The following EML5 variants were observed in gnomAD, a reference collection of about 807,000 sequenced individuals.
The protein encoded by EML5 is echinoderm microtubule-associated protein-like 5.
A neutral mutation model predicts 250.0 loss-of-function variants in EML5; 120 were observed. The observed-to-expected ratio is 0.48, with a 90% confidence interval of 0.41 to 0.56. EML5 has a LOEUF of 0.56. Ranked by LOEUF, EML5 falls within the 20% of genes least tolerant of loss-of-function variation. EML5 has a pLI of 0.00. For missense variants in EML5, 2,006 were observed against 2,437.6 expected, an observed-to-expected ratio of 0.82 and a Z score of 3.73; for synonymous variants, 771 against 806.5, an observed-to-expected ratio of 0.96 and a Z score of 0.75.
intron 29 of EML5, among the ~76,000 whole-genome samples, chr14:88,645,854 C>A (rs1242767412): frequency 2.0e-5 from 3 of 152,134 alleles, no homozygotes; most frequent in Non-Finnish European, 4.4e-5. Flanking sequence ...CAAATCTAGC[C>A]CCTCTTCTCT....
intron 21 of EML5, among the ~76,000 whole-genome samples, chr14:88,679,319 C>T (rs755016990): frequency 1.3e-5 from 2 of 151,740 alleles, no homozygotes; most frequent in Non-Finnish European, 2.9e-5. Flanking sequence ...ATTATAATTT[C>T]CTTCTACAAA....
At chr14:88,662,330 A>ATTTTTCTTGTT (rs2092134143) in intron 24 of EML5, among the ~76,000 whole-genome samples, 1 of 102,286 alleles carries the variant, frequency 9.8e-6, no homozygotes, top group Admixed American at 1.1e-4. Flanking sequence ...ATGCAACACA[A>ATTTTTCTTGTT]TTTTTCTTGT....
intron 13 of EML5, among the ~76,000 whole-genome samples, chr14:88,703,494 A>C (rs1278151719): frequency 6.6e-6 from 1 of 152,224 alleles, no homozygotes; most frequent in East Asian, 1.9e-4. Context: ...AAAATGGTCA[A>C]TATAAGTCTA....
In EML5 at chr14:88,759,728, C is replaced by T. The variant is rs79345673; in HGVS notation, c.198-5057G>A. On this transcript the variant is annotated intron_variant, in intron 1 of 43. Coordinates refer to ENST00000554922, the MANE Select transcript of EML5 (RefSeq NM_183387.3). ...AACTGGGGAGAAAAACTATGCAGGT[C>T]CTCATAGTTTAACTACAAAATCTTC... is the stretch of plus-strand genomic sequence containing the variant. 2.8e-3 allele frequency among the ~76,000 whole-genome samples: 393 copies of T among 138,630 alleles called. 2 individuals are homozygous for T. Among genetic ancestry groups the T allele is most frequent in the African/African-American group, 0.01 (358 of 34,726 alleles). 90.9% of individuals were successfully genotyped at this position (138,630 alleles called of 152,430 possible).
intron 6 of EML5, among the ~76,000 whole-genome samples, chr14:88,737,778 T>C (rs750029021): frequency 4.6e-5 from 7 of 152,220 alleles, no homozygotes; most frequent in Non-Finnish European, 8.8e-5. Context: ...CCTTCTCCCT[T>C]GTAGACAACT....
chr14:88,663,141 T>A, intron 23 of EML5, 22 bp from the exon 24 acceptor site: 2 of 1,469,868 alleles, frequency 1.4e-6, no homozygotes, highest in Non-Finnish European at 1.8e-6. Flanking sequence ...TTTTTAAAAA[T>A]ATTTACACAT....
At chr14:88,664,407 T>C (rs547996839) in intron 23 of EML5, 86 bp downstream of exon 23, 1 of 1,135,328 alleles carries the variant, frequency 8.8e-7, no homozygotes, top group Non-Finnish European at 1.2e-6. Flanking sequence ...TTAACTCATC[T>C]GTTGAATCAC....
intron 42 of EML5, 155 bp downstream of exon 42, chr14:88,616,571 C>T: frequency 1.3e-6 from 1 of 771,618 alleles, no homozygotes; most frequent in Non-Finnish European, 2.0e-6. Flanking sequence ...GGATTTGTTT[C>T]TAATAGCTTT....
intron 31 of EML5, 131 bp from the exon 32 acceptor site, chr14:88,639,038 T>A: frequency 1.5e-6 from 1 of 646,894 alleles, no homozygotes; most frequent in Non-Finnish European, 2.6e-6. Flanking sequence ...ACTTACTATG[T>A]ATACAGCATC....
chr14:88,741,142 G>A (rs116478679), intron 4 of EML5, among the ~76,000 whole-genome samples: 1,564 of 151,960 alleles, frequency 0.01, 25 homozygotes, highest in African/African-American at 0.036. Context: ...CAGCCTGGGC[G>A]CAGAGTGAGA....
chr14:88,709,158 A>AT (rs11424891), intron 10 of EML5, among the ~76,000 whole-genome samples: 60,935 of 151,684 alleles, frequency 0.4, 14,729 homozygotes, highest in African/African-American at 0.66. Flanking sequence ...ATATGGGAAT[A>AT]ATAAATATAT....
chr14:88,626,749 C>A, intron 35 of EML5, 89 bp downstream of exon 35: 1 of 1,289,314 alleles, frequency 7.8e-7, no homozygotes. Flanking sequence ...ATCACAGTAT[C>A]ATCTCAACAA....
intron 1 of EML5, among the ~76,000 whole-genome samples, chr14:88,786,229 A>AAT (rs1223097250): frequency 2.0e-5 from 3 of 152,140 alleles, no homozygotes; most frequent in Non-Finnish European, 2.9e-5. Flanking sequence ...AACTCTTCCC[A>AAT]ATAGTTTCTA....
At chr14:88,771,348 T>G (rs2094391160) in intron 1 of EML5, among the ~76,000 whole-genome samples, 1 of 152,120 alleles carries the variant, frequency 6.6e-6, no homozygotes, top group Non-Finnish European at 1.5e-5. Context: ...CTAATCTAAC[T>G]GTACTGGCAG....
intron 1 of EML5, among the ~76,000 whole-genome samples, chr14:88,777,313 T>A (rs1301240596): frequency 3.3e-5 from 5 of 151,884 alleles, no homozygotes; most frequent in African/African-American, 1.2e-4. Flanking sequence ...TAAAAAAAAA[T>A]TTACCCTAGA....
intron 20 of EML5, among the ~76,000 whole-genome samples, chr14:88,682,656 G>C (rs1416183708): frequency 1.3e-5 from 2 of 152,064 alleles, no homozygotes; most frequent in Non-Finnish European, 1.5e-5. Context: ...TTTCCAGGTA[G>C]GGCAGGATGT....
chr14:88,650,205 C>T (rs1809558751), intron 27 of EML5, among the ~76,000 whole-genome samples: 1 of 152,126 alleles, frequency 6.6e-6, no homozygotes, highest in Admixed American at 6.6e-5. Context: ...GTAATCCCAG[C>T]ACTTCGGGAG....
chr14:88,726,512 T>A (rs1316848533), intron 8 of EML5, 29 bp downstream of exon 8: 1 of 1,565,594 alleles, frequency 6.4e-7, no homozygotes, highest in Non-Finnish European at 8.7e-7. Context: ...AAGATAAAAT[T>A]ATTATGTGTT....
At chr14:88,719,229 T>C (rs1647990528) in intron 8 of EML5, among the ~76,000 whole-genome samples, 1 of 151,978 alleles carries the variant, frequency 6.6e-6, no homozygotes, top group African/African-American at 2.4e-5. Context: ...TACAAAAAAT[T>C]AAAACATTAG....
Sources: allele counts gnomAD v4.1 joint callset (sites outside exome capture counted in the v4.1 genomes callset), GRCh38; gene constraint gnomAD v4.1.1; transcripts MANE v1.5; gene names NCBI Gene and HGNC (gene_info 2026-07-23, HGNC 2026-07-21).